RERE: variants seen among roughly 807,000 people sequenced by gnomAD.
The protein encoded by RERE is arginine-glutamic acid dipeptide repeats.
Under a neutral mutation model 146.1 loss-of-function variants are expected in RERE, and 40 were observed. That is an observed-to-expected ratio of 0.27 (90% CI 0.21 to 0.36). The LOEUF (loss-of-function observed/expected upper bound fraction) is 0.36, where lower values mean the gene tolerates loss of function less well. Ranked by LOEUF, RERE falls within the 10% of genes least tolerant of loss-of-function variation. The pLI is 1.00. For synonymous variants in RERE, 1,003 were observed against 866.0 expected, an observed-to-expected ratio of 1.16 and a Z score of -2.78; for missense variants, 1,933 against 2,138.7, an observed-to-expected ratio of 0.90 and a Z score of 1.90.
intron 12 of RERE, among the ~76,000 whole-genome samples, chr1:8,419,389 T>C (rs1466110300): frequency 1.3e-5 from 2 of 152,174 alleles, no homozygotes; most frequent in African/African-American, 2.4e-5. Context: ...AGGAAAGCTG[T>C]TTACGTCTAT....
intron 1 of RERE, among the ~76,000 whole-genome samples, chr1:8,659,460 G>A (rs1638405703): frequency 6.6e-6 from 1 of 152,234 alleles, no homozygotes; most frequent in Non-Finnish European, 1.5e-5. Flanking sequence ...GGGAGGCTGA[G>A]GCAGGAGAAT....
intron 4 of RERE, among the ~76,000 whole-genome samples, chr1:8,577,777 G>A (rs139908598): frequency 5.3e-5 from 8 of 152,220 alleles, no homozygotes; most frequent in Non-Finnish European, 1.0e-4. Context: ...GAGATATACC[G>A]CTGAGGCTGG....
chr1:8,688,973 T>C (rs1371913803), intron 1 of RERE, among the ~76,000 whole-genome samples: 1 of 152,184 alleles, frequency 6.6e-6, no homozygotes, highest in South Asian at 2.1e-4. Flanking sequence ...AGCTATATAC[T>C]GGAAACCATT....
intron 2 of RERE, among the ~76,000 whole-genome samples, chr1:8,625,893 A>C (rs1440010342): frequency 6.6e-6 from 1 of 152,162 alleles, no homozygotes; most frequent in African/African-American, 2.4e-5. Flanking sequence ...AAAAAGAAGA[A>C]ATCTCAATGC....
Position 8,402,507 on chromosome 1 carries a change from T to C in RERE, c.1284+20220A>G, listed in dbSNP as rs145907364. Among the ~76,000 whole-genome samples the C allele has an allele frequency of 5.3e-5, 8 of 152,334 alleles. No homozygotes were observed. In the East Asian group the frequency reaches 1.5e-3, roughly 29 times the overall value. ...AGGTTGGATGGGTTGATATGGTATG[T>C]CATGCAACGGTGGACAGCTGGAACA... On this transcript the variant is annotated intron_variant, in intron 12 of 22. Coordinates refer to ENST00000400908, the MANE Select transcript of RERE (RefSeq NM_001042681.2).
intron 1 of RERE, among the ~76,000 whole-genome samples, chr1:8,774,951 CTTTTTTTTTTTT>C (rs869173167): frequency 8.3e-5 from 4 of 47,972 alleles, no homozygotes; most frequent in African/African-American, 1.4e-4. Flanking sequence ...TTCTTTCTTT[CTTTTTTTTTTTT>C]TTTTTTTTTT....
At chr1:8,694,803 A>C (rs1195456281) in intron 1 of RERE, among the ~76,000 whole-genome samples, 1 of 152,066 alleles carries the variant, frequency 6.6e-6, no homozygotes, top group African/African-American at 2.4e-5. Flanking sequence ...AAAACATTTG[A>C]TGCTCATAGA....
intron 11 of RERE, among the ~76,000 whole-genome samples, chr1:8,456,103 T>G (rs1194160123): frequency 5.9e-5 from 9 of 152,204 alleles, no homozygotes; most frequent in Admixed American, 5.9e-4. Flanking sequence ...AGCTGGCCTC[T>G]TCTGTCAAAC....
chr1:8,371,950 A>G (rs557888987), intron 12 of RERE, among the ~76,000 whole-genome samples: 21 of 152,330 alleles, frequency 1.4e-4, no homozygotes, highest in Middle Eastern at 6.8e-3. Context: ...CAGGCTTTCC[A>G]ACAGGCCAAC....
intron 4 of RERE, among the ~76,000 whole-genome samples, chr1:8,592,052 T>C (rs917057620): frequency 2.0e-5 from 3 of 152,220 alleles, no homozygotes; most frequent in Non-Finnish European, 4.4e-5. Flanking sequence ...TAATGTGAAG[T>C]AGTACCTTCA....
At chr1:8,706,113 C>CAAAAAAAAA (rs61016240) in intron 1 of RERE, among the ~76,000 whole-genome samples, 1 of 69,190 alleles carries the variant, frequency 1.4e-5, no homozygotes, top group Non-Finnish European at 2.6e-5. Flanking sequence ...ACTCCGTCTC[C>CAAAAAAAAA]AAAAAAAAAA....
intron 1 of RERE, among the ~76,000 whole-genome samples, chr1:8,726,147 C>CTTTTCT (rs1639960710): frequency 4.3e-5 from 3 of 69,394 alleles, no homozygotes; most frequent in African/African-American, 2.0e-4. Context: ...TTTTTCTTTT[C>CTTTTCT]TTTTTTTTTT....
At chr1:8,553,545 T>C (rs931397542) in intron 6 of RERE, among the ~76,000 whole-genome samples, 5 of 152,200 alleles carry the variant, frequency 3.3e-5, no homozygotes, top group Admixed American at 1.3e-4. Flanking sequence ...TCTGATGTCT[T>C]TGAAAAAAAT....
intron 4 of RERE, among the ~76,000 whole-genome samples, chr1:8,568,668 T>G (rs1227299753): frequency 6.6e-6 from 1 of 152,160 alleles, no homozygotes; most frequent in African/African-American, 2.4e-5. Flanking sequence ...ATGCAGCCCC[T>G]TGACCTGGGA....
chr1:8,428,606 A>C (rs1057273550), intron 11 of RERE: 3 of 152,182 alleles, frequency 2.0e-5, no homozygotes, highest in Non-Finnish European at 4.4e-5. Flanking sequence ...ACCTGAACCC[A>C]GCATTACTAG....
intron 2 of RERE, among the ~76,000 whole-genome samples, chr1:8,629,660 A>G (rs1647012413): frequency 6.6e-6 from 1 of 152,184 alleles, no homozygotes; most frequent in Non-Finnish European, 1.5e-5. Flanking sequence ...AGCCTCCTAC[A>G]GAGCAGAGTG....
intron 1 of RERE, among the ~76,000 whole-genome samples, chr1:8,710,915 G>T (rs1007863509): frequency 1.3e-5 from 2 of 151,974 alleles, no homozygotes; most frequent in African/African-American, 4.8e-5. Context: ...CCAGCACTTT[G>T]GGAGGCCAAG....
At position 8,743,436 on chromosome 1, in the gene RERE, T is replaced by G. The variant is rs1395631979; in HGVS notation, c.-145+73724A>C. Among the ~76,000 whole-genome samples the G allele has an allele frequency of 3.3e-5, 5 of 150,830 alleles. No homozygotes were observed. The East Asian group carries it at 9.7e-4, about 29-fold the overall frequency. ...TGGGACTACAGGCTAATTTTTTTTT[T>G]TTTTTTTTTTTAGTAGAGACGGGGT... On this transcript the variant is annotated intron_variant, in intron 1 of 22. Coordinates refer to ENST00000400908, the MANE Select transcript of RERE (RefSeq NM_001042681.2).
At chr1:8,567,151 C>T (rs1427429767) in intron 4 of RERE, among the ~76,000 whole-genome samples, 1 of 152,108 alleles carries the variant, frequency 6.6e-6, no homozygotes, top group African/African-American at 2.4e-5. Flanking sequence ...AAGACCATGG[C>T]CACATCCATC....
Sources: allele counts gnomAD v4.1 joint callset (sites outside exome capture counted in the v4.1 genomes callset), GRCh38; gene constraint gnomAD v4.1.1; transcripts MANE v1.5; gene names NCBI Gene and HGNC (gene_info 2026-07-23, HGNC 2026-07-21).